FRMD4B: variants seen among roughly 807,000 people sequenced by gnomAD.
FRMD4B encodes the protein FERM domain-containing protein 4B.
In FRMD4B, 74 loss-of-function variants were observed where a neutral mutation model predicts 141.5. That is an observed-to-expected ratio of 0.52 (90% CI 0.43 to 0.63). FRMD4B has a LOEUF of 0.63. Among genes scored for constraint, FRMD4B ranks in the 30% least tolerant of loss-of-function variants. The pLI, the probability that FRMD4B is intolerant of heterozygous loss-of-function variation, is 0.00. For synonymous variants in FRMD4B, 506 were observed against 467.9 expected (o/e 1.08, Z -1.05); for missense variants, 1,366 against 1,253.4 (o/e 1.09, Z -1.36).
chr3:69,455,542 G>C (rs149357222), intron 1 of FRMD4B, among the ~76,000 whole-genome samples: 1 of 152,168 alleles, frequency 6.6e-6, no homozygotes, highest in Admixed American at 6.5e-5. Flanking sequence ...TAACCGGTAA[G>C]AAGGAAGAAA....
chr3:69,306,697 T>C (rs567073084), intron 3 of FRMD4B: 1 of 152,246 alleles, frequency 6.6e-6, no homozygotes, highest in Non-Finnish European at 1.5e-5. Flanking sequence ...GTAATTGCCA[T>C]CTATTTTTCC....
intron 5 of FRMD4B, among the ~76,000 whole-genome samples, chr3:69,265,270 ATATATATATAT>A (rs1486871129): frequency 0.03 from 598 of 20,196 alleles, 101 homozygotes; most frequent in Non-Finnish European, 0.04. Flanking sequence ...AAAAAAAAAA[ATATATATATAT>A]ATATATATAT....
At chr3:69,466,290 A>G (rs1358361084) in intron 1 of FRMD4B, among the ~76,000 whole-genome samples, 1 of 152,170 alleles carries the variant, frequency 6.6e-6, no homozygotes, top group Non-Finnish European at 1.5e-5. Flanking sequence ...TCTGGAAATT[A>G]GCCCTCTGTC....
At chr3:69,367,481 C>T (rs1027802162) in intron 1 of FRMD4B, among the ~76,000 whole-genome samples, 5 of 152,136 alleles carry the variant, frequency 3.3e-5, no homozygotes, top group African/African-American at 1.2e-4. Context: ...GTACACATCC[C>T]ATATATTGTC....
intron 1 of FRMD4B, among the ~76,000 whole-genome samples, chr3:69,529,882 A>C (rs1485329174): frequency 6.6e-6 from 1 of 152,194 alleles, no homozygotes; most frequent in East Asian, 1.9e-4. Context: ...TGGAATTAGG[A>C]GACAAATTTT....
At chr3:69,337,413 A>G (rs1473210915) in intron 1 of FRMD4B, among the ~76,000 whole-genome samples, 1 of 152,240 alleles carries the variant, frequency 6.6e-6, no homozygotes, top group Non-Finnish European at 1.5e-5. Context: ...CTTCATGTCT[A>G]AAACACCAAA....
At chr3:69,494,671 C>T (rs567347272) in intron 1 of FRMD4B, among the ~76,000 whole-genome samples, 2 of 152,260 alleles carry the variant, frequency 1.3e-5, no homozygotes, top group Admixed American at 6.5e-5. Context: ...GTGGGTGGAT[C>T]ACCTGAGGTC....
At chr3:69,241,893 A>G (rs2093387243) in intron 7 of FRMD4B, among the ~76,000 whole-genome samples, 1 of 151,718 alleles carries the variant, frequency 6.6e-6, no homozygotes, top group South Asian at 2.1e-4. Flanking sequence ...AAACAAAACA[A>G]AACAAAAAAA....
intron 11 of FRMD4B, among the ~76,000 whole-genome samples, chr3:69,215,968 A>G (rs991828104): frequency 2.0e-5 from 3 of 152,156 alleles, no homozygotes; most frequent in Non-Finnish European, 4.4e-5. Context: ...AGCCTGGCCA[A>G]CATGGCAAAA....
At chr3:69,286,644 C>T (rs575105065) in intron 5 of FRMD4B, among the ~76,000 whole-genome samples, 7 of 152,182 alleles carry the variant, frequency 4.6e-5, no homozygotes, top group Non-Finnish European at 7.3e-5. Context: ...GAGATCAGAA[C>T]GTACAAGGGA....
rs1553691449 is a variant in FRMD4B at position 69,169,375 on chromosome 3, T to TTTTTTC, written c.*2485_*2486insGAAAAA. On this transcript the variant is annotated 3_prime_UTR_variant, in exon 23 of 23. Coordinates refer to ENST00000398540, the MANE Select transcript of FRMD4B (RefSeq NM_015123.3). ...TTTCTTTTTTTTTTTTTTTTTTTTT[T>TTTTTTC]CTTGAGACAAGGTCTGTTATTGCCT... Among the ~76,000 whole-genome samples the TTTTTTC allele has an allele frequency of 1.6e-5, 2 of 124,600 alleles. No individual in the cohort carries two copies. Among genetic ancestry groups the TTTTTTC allele is most frequent in the Non-Finnish European group, 3.4e-5 (2 of 59,448 alleles). 81.7% of individuals were successfully genotyped at this position (124,600 alleles called of 152,430 possible).
At chr3:69,278,173 T>A (rs1006958647) in intron 5 of FRMD4B, among the ~76,000 whole-genome samples, 1 of 152,104 alleles carries the variant, frequency 6.6e-6, no homozygotes, top group Admixed American at 6.5e-5. Context: ...TTTTCAAAAG[T>A]GTGGTAGGCA....
At chr3:69,459,400 C>T (rs1010486119) in intron 1 of FRMD4B, among the ~76,000 whole-genome samples, 2 of 152,158 alleles carry the variant, frequency 1.3e-5, no homozygotes, top group African/African-American at 4.8e-5. Flanking sequence ...CACTACAGCT[C>T]ATTTTATGCT....
chr3:69,331,496 C>T (rs1028665876), intron 1 of FRMD4B, among the ~76,000 whole-genome samples: 1 of 152,166 alleles, frequency 6.6e-6, no homozygotes, highest in African/African-American at 2.4e-5. Flanking sequence ...GCACTGTTAG[C>T]ATTCCATATT....
intron 2 of FRMD4B, among the ~76,000 whole-genome samples, chr3:69,396,951 A>G (rs1267707381): frequency 2.0e-5 from 3 of 152,232 alleles, no homozygotes; most frequent in African/African-American, 7.2e-5. Flanking sequence ...TGATAAACAG[A>G]TTTTTAAAAT....
intron 1 of FRMD4B, among the ~76,000 whole-genome samples, chr3:69,332,731 C>T (rs531114106): frequency 2.0e-5 from 3 of 149,814 alleles, no homozygotes; most frequent in Non-Finnish European, 4.4e-5. Flanking sequence ...TGTGCACCAC[C>T]ACACCTGGCT....
chr3:69,308,201 T>C (rs924086691), intron 3 of FRMD4B, among the ~76,000 whole-genome samples: 1 of 152,124 alleles, frequency 6.6e-6, no homozygotes, highest in Non-Finnish European at 1.5e-5. Context: ...CTTACCTGAT[T>C]TAATAGTATT....
intron 7 of FRMD4B, among the ~76,000 whole-genome samples, chr3:69,237,680 C>A (rs1442050282): frequency 6.6e-6 from 1 of 152,200 alleles, no homozygotes; most frequent in African/African-American, 2.4e-5. Flanking sequence ...CTTCCTCAGA[C>A]CTCTCAGCTT....
At chr3:69,511,060 T>A (rs1706677923) in intron 1 of FRMD4B, among the ~76,000 whole-genome samples, 1 of 152,184 alleles carries the variant, frequency 6.6e-6, no homozygotes, top group Non-Finnish European at 1.5e-5. Context: ...TTTCCAAGTA[T>A]GTTTAATGCA....
Sources: allele counts gnomAD v4.1 joint callset (sites outside exome capture counted in the v4.1 genomes callset), GRCh38; gene constraint gnomAD v4.1.1; transcripts MANE v1.5; gene names NCBI Gene and HGNC (gene_info 2026-07-23, HGNC 2026-07-21).